RMDN2: variants seen among roughly 807,000 people sequenced by gnomAD.
The protein encoded by RMDN2 is regulator of microtubule dynamics 2.
A neutral mutation model predicts 52.8 loss-of-function variants in RMDN2; 61 were observed. The observed-to-expected ratio is 1.16, with a 90% CI of 0.94 to 1.43. The LOEUF (loss-of-function observed/expected upper bound fraction) is 1.43. Ranked by LOEUF, RMDN2 falls within the 40% of genes most tolerant of loss-of-function variation. RMDN2 has a pLI of 0.00. For synonymous variants in RMDN2, 180 were observed against 153.1 expected, an observed-to-expected ratio of 1.18 and a Z score of -1.30; for missense variants, 592 against 475.3, an observed-to-expected ratio of 1.25 and a Z score of -2.28.
At chr2:38,024,897 G>T (rs1394152250) in intron 10 of RMDN2, among the ~76,000 whole-genome samples, 1 of 151,950 alleles carries the variant, frequency 6.6e-6, no homozygotes, top group African/African-American at 2.4e-5. Context: ...TCTATTTATT[G>T]ATCTCAACAC....
At chr2:37,944,869 C>T (rs988742014) in intron 2 of RMDN2, among the ~76,000 whole-genome samples, 7 of 151,954 alleles carry the variant, frequency 4.6e-5, no homozygotes, top group African/African-American at 1.7e-4. Context: ...ATTTATGGGC[C>T]ACAAGGAAGA....
At chr2:38,010,104 G>C (rs1279792877) in intron 10 of RMDN2, among the ~76,000 whole-genome samples, 1 of 152,174 alleles carries the variant, frequency 6.6e-6, no homozygotes, top group African/African-American at 2.4e-5. Flanking sequence ...GGGCATCTGA[G>C]GTGTCAGTCT....
At position 37,945,083 on chromosome 2, in the gene RMDN2, T is replaced by G. The variant is rs371363845; in HGVS notation, c.452+15354T>G. On this transcript the variant is annotated intron_variant, in intron 2 of 10. Coordinates refer to ENST00000354545, the MANE Select transcript of RMDN2 (RefSeq NM_001170791.3). ...AAACTTTATTAAGCTCAAGATAGTA[T>G]CTGGTGACATGGAAACTGACAATAT... Among the ~76,000 whole-genome samples the G allele has an allele frequency of 5.3e-5, 8 of 152,344 alleles. No individual in the cohort carries two copies. The South Asian group carries it at 1.0e-3, about 20-fold the overall frequency.
At chr2:37,985,322 G>C (rs1395398962) in intron 5 of RMDN2, among the ~76,000 whole-genome samples, 7 of 152,126 alleles carry the variant, frequency 4.6e-5, no homozygotes, top group South Asian at 4.1e-4. Flanking sequence ...CTAGATAAGT[G>C]TGTACGCTGA....
In RMDN2 at chr2:37,958,077, G is replaced by A. The variant is rs368508593; in HGVS notation, c.453-15963G>A. Among the ~76,000 whole-genome samples the A allele has an allele frequency of 2.6e-5, 4 of 152,292 alleles. No individual in the cohort carries two copies. In the South Asian group the frequency reaches 8.3e-4, roughly 32 times the overall value. On this transcript the variant is annotated intron_variant, in intron 2 of 10. Coordinates refer to ENST00000354545, the MANE Select transcript of RMDN2 (RefSeq NM_001170791.3). ...GTAGTGTAGTTTGAAGTCAGGTAGT[G>A]TGATGCCTCCAGCTTTGTTCTTTTT...
At chr2:37,961,996 G>A (rs188087417) in intron 2 of RMDN2, among the ~76,000 whole-genome samples, 108 of 152,302 alleles carry the variant, frequency 7.1e-4, no homozygotes, top group Admixed American at 2.7e-3. Context: ...TCCAAACACT[G>A]TTTGCCTGGG....
At chr2:37,926,426 C>T (rs568751888) in intron 1 of RMDN2, among the ~76,000 whole-genome samples, 1 of 152,234 alleles carries the variant, frequency 6.6e-6, no homozygotes, top group African/African-American at 2.4e-5. Context: ...TCATCTCAAC[C>T]TTTAATATTA....
At chr2:37,932,254 G>A (rs1483272416) in intron 2 of RMDN2, among the ~76,000 whole-genome samples, 7 of 149,616 alleles carry the variant, frequency 4.7e-5, no homozygotes, top group African/African-American at 1.7e-4. Context: ...ATTAGGGAGT[G>A]GTGATGACTC....
chr2:37,947,890 C>T (rs1378703447), intron 2 of RMDN2, among the ~76,000 whole-genome samples: 2 of 152,182 alleles, frequency 1.3e-5, no homozygotes, highest in African/African-American at 2.4e-5. Flanking sequence ...CTTGTGCCCC[C>T]TACTTCTCCC....
At chr2:37,925,076 A>T (rs1205135743), upstream of RMDN2, among the ~76,000 whole-genome samples, 1 of 152,208 alleles carries the variant, frequency 6.6e-6, no homozygotes, top group Non-Finnish European at 1.5e-5. Flanking sequence ...CCCAGAGCCC[A>T]GGCGGGGGAA....
chr2:38,014,068 CG>C (rs1282699372), intron 10 of RMDN2, among the ~76,000 whole-genome samples: 3 of 151,888 alleles, frequency 2.0e-5, no homozygotes, highest in African/African-American at 7.3e-5. Flanking sequence ...CAAAATTAGT[CG>C]GGCGTGGTGG....
chr2:37,984,846 GA>G (rs1382099357), intron 5 of RMDN2, among the ~76,000 whole-genome samples: 2 of 136,314 alleles, frequency 1.5e-5, no homozygotes, highest in Non-Finnish European at 3.1e-5. Flanking sequence ...GAGTATTTGA[GA>G]AAAAAAAATA....
intron 2 of RMDN2, among the ~76,000 whole-genome samples, chr2:37,954,493 A>G (rs998270746): frequency 2.0e-5 from 3 of 152,146 alleles, no homozygotes; most frequent in Non-Finnish European, 2.9e-5. Flanking sequence ...ACCTTTGTCA[A>G]AAGTCATGTG....
At chr2:37,985,956 ATGTAC>A (rs1365166639) in intron 5 of RMDN2, among the ~76,000 whole-genome samples, 9 of 152,294 alleles carry the variant, frequency 5.9e-5, no homozygotes, top group Admixed American at 5.9e-4. Flanking sequence ...GTTTTGACAA[ATGTAC>A]TGTAGTAATG....
chr2:38,048,916 A>C (rs188339245), intron 10 of RMDN2, among the ~76,000 whole-genome samples: 1 of 152,234 alleles, frequency 6.6e-6, no homozygotes, highest in African/African-American at 2.4e-5. Flanking sequence ...TTGATTGACT[A>C]ACTCATTATG....
intron 2 of RMDN2, among the ~76,000 whole-genome samples, chr2:37,953,277 C>G (rs1286196233): frequency 1.3e-5 from 2 of 151,952 alleles, no homozygotes; most frequent in African/African-American, 4.8e-5. Context: ...ACAGCCATCA[C>G]CACCATCCGT....
chr2:38,055,034 C>T (rs1271180874), intron 10 of RMDN2, among the ~76,000 whole-genome samples: 1 of 152,126 alleles, frequency 6.6e-6, no homozygotes, highest in Non-Finnish European at 1.5e-5. Context: ...ATTTTTAGAA[C>T]AGTATATTAT....
chr2:37,950,236 A>G (rs1668607529), intron 2 of RMDN2: 1 of 407,198 alleles, frequency 2.5e-6, no homozygotes, highest in Admixed American at 3.6e-5. Flanking sequence ...GGTCCAAGGT[A>G]AAGGATTGTA....
chr2:37,995,977 C>T (rs538503283), intron 7 of RMDN2, among the ~76,000 whole-genome samples: 9 of 152,122 alleles, frequency 5.9e-5, no homozygotes, highest in African/African-American at 1.4e-4. Context: ...TAAATCAGCG[C>T]GACTACCTTG....
Sources: allele counts gnomAD v4.1 joint callset (sites outside exome capture counted in the v4.1 genomes callset), GRCh38; gene constraint gnomAD v4.1.1; transcripts MANE v1.5; gene names NCBI Gene and HGNC (gene_info 2026-07-23, HGNC 2026-07-21).